DPYD: variants seen among roughly 807,000 people sequenced by gnomAD.
The protein encoded by DPYD is dihydropyrimidine dehydrogenase [NADP(+)].
In DPYD, 109 loss-of-function variants were observed where a neutral mutation model predicts 116.2. The observed-to-expected ratio is 0.94, with a 90% CI of 0.80 to 1.10. The LOEUF (loss-of-function observed/expected upper bound fraction) is 1.10, where lower values mean the gene tolerates loss of function less well. DPYD is among the 50% of genes least tolerant of loss of function. The pLI is 0.00. For missense variants in DPYD, 1,302 were observed against 1,254.5 expected, an observed-to-expected ratio of 1.04 and a Z score of -0.57; for synonymous variants, 440 against 432.0, an observed-to-expected ratio of 1.02 and a Z score of -0.23.
chr1:97,509,964 T>C (rs969048900), intron 13 of DPYD, among the ~76,000 whole-genome samples: 2 of 151,912 alleles, frequency 1.3e-5, no homozygotes, highest in Non-Finnish European at 2.9e-5. Flanking sequence ...TATGATGATA[T>C]CACCATGAGT....
At chr1:97,434,051 A>G (rs1225775309) in intron 14 of DPYD, among the ~76,000 whole-genome samples, 1 of 152,142 alleles carries the variant, frequency 6.6e-6, no homozygotes, top group Non-Finnish European at 1.5e-5. Flanking sequence ...ATCAGGCACA[A>G]AACAGTCACT....
intron 8 of DPYD, among the ~76,000 whole-genome samples, chr1:97,618,324 A>G (rs748552225): frequency 3.3e-5 from 5 of 151,966 alleles, no homozygotes; most frequent in Non-Finnish European, 7.4e-5. Flanking sequence ...ATGTCCTGAC[A>G]TTTTATTACT....
chr1:97,341,899 T>C (rs556010144), intron 16 of DPYD, among the ~76,000 whole-genome samples: 16 of 152,244 alleles, frequency 1.1e-4, no homozygotes, highest in Non-Finnish European at 1.6e-4. Context: ...AGAGAATTCA[T>C]AACACAGAAA....
Position 97,195,893 on chromosome 1 carries a change from G to A in DPYD, c.2443-2645C>T, listed in dbSNP as rs1418774685. Among the ~76,000 whole-genome samples, 3 of 151,224 alleles carry A rather than the reference G, an allele frequency of 2.0e-5. No homozygotes were observed. The East Asian group carries it at 5.9e-4, about 30-fold the overall frequency. ...ATATCAGAGCTGGAAGCGATGACTG[G>A]ATGTAACACTCGGCAATATACCGGA... is the stretch of plus-strand genomic sequence containing the variant. On this transcript the variant is annotated intron_variant, in intron 19 of 22. Transcript: ENST00000370192.
At chr1:97,786,033 G>T (rs1667001392) in intron 3 of DPYD, among the ~76,000 whole-genome samples, 2 of 149,718 alleles carry the variant, frequency 1.3e-5, no homozygotes, top group Admixed American at 6.7e-5. Flanking sequence ...TTCCCAATTT[G>T]GCCTTTAAAT....
chr1:97,293,808 C>T (rs554256832), intron 18 of DPYD, among the ~76,000 whole-genome samples: 2 of 152,092 alleles, frequency 1.3e-5, no homozygotes, highest in African/African-American at 4.8e-5. Flanking sequence ...AATTAGCCAG[C>T]ATGGTGGTGT....
intron 19 of DPYD, among the ~76,000 whole-genome samples, chr1:97,209,844 C>A (rs528919269): frequency 6.0e-4 from 91 of 152,238 alleles, no homozygotes; most frequent in Admixed American, 2.0e-4. Flanking sequence ...GATCTTTAGA[C>A]ATATTATCTT....
chr1:97,360,157 T>C (rs1357060584), intron 16 of DPYD, among the ~76,000 whole-genome samples: 6 of 151,898 alleles, frequency 4.0e-5, no homozygotes, highest in African/African-American at 9.7e-5. Flanking sequence ...GTTGCAATAA[T>C]AGTACCTGAT....
At chr1:97,715,820 G>T (rs1413679028) in intron 5 of DPYD, among the ~76,000 whole-genome samples, 1 of 151,930 alleles carries the variant, frequency 6.6e-6, no homozygotes, top group African/African-American at 2.4e-5. Context: ...CTATTTGATA[G>T]ATGAAATTTA....
intron 16 of DPYD, among the ~76,000 whole-genome samples, chr1:97,317,557 A>ATTTAC (rs1444472190): frequency 2.0e-5 from 3 of 152,060 alleles, no homozygotes; most frequent in Non-Finnish European, 4.4e-5. Flanking sequence ...TGTAAACAGT[A>ATTTAC]TAACAATTTA....
At chr1:97,783,936 C>T (rs532974869) in intron 3 of DPYD, among the ~76,000 whole-genome samples, 1 of 152,284 alleles carries the variant, frequency 6.6e-6, no homozygotes, top group South Asian at 2.1e-4. Context: ...ACAATAGATG[C>T]TACCTCAGCA....
chr1:97,810,755 A>T (rs929781397), intron 3 of DPYD, among the ~76,000 whole-genome samples: 7 of 152,164 alleles, frequency 4.6e-5, no homozygotes, highest in Non-Finnish European at 1.0e-4. Flanking sequence ...TGATATTTTT[A>T]AAAATTCTAC....
In DPYD at chr1:97,147,469, T is replaced by C. The variant is rs546962515; in HGVS notation, c.2622+45600A>G. 6.9e-4 allele frequency among the ~76,000 whole-genome samples: 105 copies of C among 152,284 alleles called. 1 individual carries two copies. The highest frequency in any genetic ancestry group is 1.2e-3 in the Non-Finnish European group (80 of 68,026). ...TCCCTTACATTTGTTGGTCAAGAAG[T>C]ATCACTGAATGCTCTGAATCAGAAA... On this transcript the variant is annotated intron_variant, in intron 20 of 22. Coordinates refer to ENST00000370192, the MANE Select transcript of DPYD (RefSeq NM_000110.4).
Position 97,593,249 on chromosome 1 carries a change from C to G in DPYD, c.1097G>C (p.Gly366Ala), listed in dbSNP as rs752985272. 10 of 1,613,952 alleles carry G rather than the reference C, an allele frequency of 6.2e-6. No homozygotes were observed. The East Asian group carries it at 1.3e-4, about 22-fold the overall frequency. ...ARRVFIVFRK[G>A]FVNIRAVPEE... ...AGGGACAGCTCTTATATTAACAAAG[C>G]CTTTTCTGAAGACGATGAACACACG... Residue 366 changes from glycine to alanine, a missense_variant, in exon 10 of 23, where the codon GGC becomes GCC. Gly to Ala is a moderately conservative substitution (Grantham distance 60). Coordinates refer to ENST00000370192, the MANE Select transcript of DPYD (RefSeq NM_000110.4).
At chr1:97,485,607 A>G (rs1423185569) in intron 13 of DPYD, among the ~76,000 whole-genome samples, 1 of 150,002 alleles carries the variant, frequency 6.7e-6, no homozygotes, top group East Asian at 2.0e-4. Context: ...CTCTTCAGCT[A>G]TTTAATCAAT....
chr1:97,199,379 T>C (rs1659045848), intron 19 of DPYD, among the ~76,000 whole-genome samples: 1 of 152,040 alleles, frequency 6.6e-6, no homozygotes, highest in Non-Finnish European at 1.5e-5. Context: ...AGCTGTGTAA[T>C]CATGAGCATT....
chr1:97,533,302 T>C (rs1486822534), intron 12 of DPYD, among the ~76,000 whole-genome samples: 1 of 152,194 alleles, frequency 6.6e-6, no homozygotes, highest in Non-Finnish European at 1.5e-5. Context: ...GCATGTAGAC[T>C]ATTATAGCCT....
chr1:97,362,769 G>A (rs1670807617), intron 16 of DPYD, among the ~76,000 whole-genome samples: 1 of 152,094 alleles, frequency 6.6e-6, no homozygotes, highest in Non-Finnish European at 1.5e-5. Flanking sequence ...GCTGAAACTG[G>A]ATCCCTTCCT....
intron 14 of DPYD, among the ~76,000 whole-genome samples, chr1:97,398,971 T>C (rs1673182014): frequency 6.6e-6 from 1 of 152,282 alleles, no homozygotes; most frequent in African/African-American, 2.4e-5. Flanking sequence ...TTTGTCAATT[T>C]TGTCTTTTGT....
Sources: allele counts gnomAD v4.1 joint callset (sites outside exome capture counted in the v4.1 genomes callset), GRCh38; gene constraint gnomAD v4.1.1; transcripts MANE v1.5; gene names NCBI Gene and HGNC (gene_info 2026-07-23, HGNC 2026-07-21).